The following NPEPPS variants were observed in gnomAD, a reference collection of about 807,000 sequenced individuals.
NPEPPS encodes the protein puromycin-sensitive aminopeptidase.
NPEPPS carries 14 observed loss-of-function variants against 115.5 expected under a neutral mutation model. That is an observed-to-expected ratio of 0.12 (90% CI 0.08 to 0.19). The LOEUF (loss-of-function observed/expected upper bound fraction) is 0.19, where lower values mean the gene tolerates loss of function less well. NPEPPS is among the 10% of genes least tolerant of loss of function. The pLI, the probability that NPEPPS is intolerant of heterozygous loss-of-function variation, is 1.00. For synonymous variants in NPEPPS, 285 were observed against 390.6 expected (o/e 0.73, Z 3.19); for missense variants, 523 against 1,110.8 (o/e 0.47, Z 7.52).
At chr17:47,574,741 A>G (rs1335693555) in intron 3 of NPEPPS, among the ~76,000 whole-genome samples, 4 of 152,100 alleles carry the variant, frequency 2.6e-5, no homozygotes, top group Non-Finnish European at 4.4e-5. Flanking sequence ...CCTACACATG[A>G]CACTGCATCT....
chr17:47,585,419 A>G, intron 5 of NPEPPS, 81 bp from the exon 6 acceptor site: 1 of 915,018 alleles, frequency 1.1e-6, no homozygotes, highest in South Asian at 1.5e-5. Flanking sequence ...GATGCAATAA[A>G]GCCTACAGTT....
At chr17:47,593,741 G>C (rs367733359) in intron 12 of NPEPPS, among the ~76,000 whole-genome samples, 2 of 152,184 alleles carry the variant, frequency 1.3e-5, no homozygotes, top group Admixed American at 1.3e-4. Context: ...CCCTGTTGCT[G>C]CTAGGCTACA....
At chr17:47,548,646 G>A (rs1403636434) in intron 2 of NPEPPS, among the ~76,000 whole-genome samples, 1 of 140,140 alleles carries the variant, frequency 7.1e-6, no homozygotes, top group African/African-American at 2.7e-5. Context: ...AAACGATCTC[G>A]GCTTGCTGCA....
intron 3 of NPEPPS, among the ~76,000 whole-genome samples, chr17:47,572,474 A>G (rs1393652976): frequency 7.9e-6 from 1 of 127,150 alleles, no homozygotes; most frequent in Non-Finnish European, 1.8e-5. Flanking sequence ...AATCTAAAGA[A>G]AGTTAAAAAA....
intron 1 of NPEPPS, among the ~76,000 whole-genome samples, chr17:47,539,322 A>G (rs187220771): frequency 4.7e-4 from 71 of 152,132 alleles, no homozygotes; most frequent in African/African-American, 1.7e-3. Flanking sequence ...GCTTTTGTTA[A>G]CTGAGATTAG....
At chr17:47,579,568 G>A (rs1429999618) in intron 4 of NPEPPS, 57 bp downstream of exon 4, 2 of 1,532,590 alleles carry the variant, frequency 1.3e-6, no homozygotes, top group African/African-American at 2.8e-5. Flanking sequence ...TTCTGACAAA[G>A]CTGTGTTTTA....
chr17:47,616,513 G>A (rs1414422382), intron 19 of NPEPPS, among the ~76,000 whole-genome samples: 1 of 151,964 alleles, frequency 6.6e-6, no homozygotes, highest in Non-Finnish European at 1.5e-5. Context: ...GTGAAACCCT[G>A]TCTCTACTAA....
intron 2 of NPEPPS, among the ~76,000 whole-genome samples, chr17:47,566,414 T>C (rs1474182107): frequency 6.6e-6 from 1 of 151,976 alleles, no homozygotes; most frequent in Non-Finnish European, 1.5e-5. Flanking sequence ...TTTTTTTTTT[T>C]GCCATTTATA....
intron 3 of NPEPPS, among the ~76,000 whole-genome samples, chr17:47,573,042 C>T (rs191735382): frequency 5.9e-4 from 90 of 152,224 alleles, no homozygotes; most frequent in African/African-American, 2.1e-3. Context: ...TCTCAAAGTG[C>T]TAGGATTACA....
At chr17:47,565,369 C>A (rs527465288) in intron 2 of NPEPPS, among the ~76,000 whole-genome samples, 1 of 151,788 alleles carries the variant, frequency 6.6e-6, no homozygotes, top group Non-Finnish European at 1.5e-5. Context: ...ATTAGCCAGG[C>A]GTGGTGGTGC....
intron 9 of NPEPPS, 72 bp from the exon 10 acceptor site, chr17:47,590,645 A>G (rs1283715524): frequency 6.7e-7 from 1 of 1,498,082 alleles, no homozygotes; most frequent in Non-Finnish European, 9.0e-7. Flanking sequence ...TGGAAGGGAC[A>G]TGTGAGTGTT....
At chr17:47,554,969 A>G (rs1195628865) in intron 2 of NPEPPS, among the ~76,000 whole-genome samples, 2 of 152,226 alleles carry the variant, frequency 1.3e-5, no homozygotes, top group East Asian at 3.8e-4. Context: ...AAACTTACGA[A>G]TTCTTTGTTT....
chr17:47,608,642 G>C (rs1356419752), intron 17 of NPEPPS, among the ~76,000 whole-genome samples: 3 of 152,140 alleles, frequency 2.0e-5, no homozygotes, highest in Non-Finnish European at 4.4e-5. Context: ...AGATCAACCA[G>C]TGACTGAGTG....
At chr17:47,563,044 T>G (rs536498377) in intron 2 of NPEPPS, among the ~76,000 whole-genome samples, 9 of 151,192 alleles carry the variant, frequency 6.0e-5, no homozygotes, top group South Asian at 2.1e-4. Context: ...GTTTTGTTTT[T>G]TTTTTGAGAT....
chr17:47,583,081 C>CAAG (rs947593364), intron 5 of NPEPPS, among the ~76,000 whole-genome samples: 4 of 148,636 alleles, frequency 2.7e-5, no homozygotes, highest in Non-Finnish European at 5.9e-5. Flanking sequence ...CTCCTGGGGT[C>CAAG]AATCTGTCTT....
chr17:47,526,896 T>C (rs1343196164), upstream of NPEPPS, among the ~76,000 whole-genome samples: 3 of 152,144 alleles, frequency 2.0e-5, no homozygotes, highest in Non-Finnish European at 2.9e-5. Context: ...AGGCGGAGCT[T>C]GCAGTGAGCT....
Position 47,621,929 on chromosome 17 carries a change from G to GT in NPEPPS, c.*10dup. The GT allele has an allele frequency of 6.2e-7, 1 of 1,606,194 alleles. No individual in the cohort carries two copies. Among genetic ancestry groups the GT allele is most frequent in the Non-Finnish European group, 8.5e-7 (1 of 1,175,480 alleles). On this transcript the variant is annotated 3_prime_UTR_variant, in exon 23 of 23. Coordinates refer to ENST00000322157, the MANE Select transcript of NPEPPS (RefSeq NM_006310.4). ...CACCACCCACAGTGTGAATCCTGAG[G>GT]TGCCGCCATTGGCGGTTCTGCTGCT... is the stretch of plus-strand genomic sequence containing the variant.
intron 15 of NPEPPS, 175 bp from the exon 16 acceptor site, chr17:47,603,740 G>A (rs1170154561): frequency 6.4e-6 from 3 of 465,846 alleles, no homozygotes; most frequent in Non-Finnish European, 1.1e-5. Flanking sequence ...TCTTTTGTCT[G>A]TGCATTCATT....
At chr17:47,600,419 C>A (rs185052815) in intron 14 of NPEPPS, among the ~76,000 whole-genome samples, 2 of 152,026 alleles carry the variant, frequency 1.3e-5, no homozygotes, top group Non-Finnish European at 2.9e-5. Flanking sequence ...CTGGGTGACA[C>A]GGCGAGACCC....
Sources: allele counts gnomAD v4.1 joint callset (sites outside exome capture counted in the v4.1 genomes callset), GRCh38; gene constraint gnomAD v4.1.1; transcripts MANE v1.5; gene names NCBI Gene and HGNC (gene_info 2026-07-23, HGNC 2026-07-21).